CSMD3: variants seen among roughly 807,000 people sequenced by gnomAD.
The protein encoded by CSMD3 is CUB and Sushi multiple domains 3, also known as CUB and sushi domain-containing protein 3.
CSMD3 carries 177 observed loss-of-function variants against 435.2 expected under a neutral mutation model. That is an observed-to-expected ratio of 0.41 (90% CI 0.36 to 0.46). The LOEUF is 0.46. Among genes scored for constraint, CSMD3 ranks in the 20% least tolerant of loss-of-function variants. CSMD3 has a pLI of 0.34. For missense variants in CSMD3, 4,265 were observed against 4,504.6 expected, an observed-to-expected ratio of 0.95 and a Z score of 1.52; for synonymous variants, 1,656 against 1,520.5, an observed-to-expected ratio of 1.09 and a Z score of -2.07.
Position 112,244,547 on chromosome 8 carries a change from G to T in CSMD3, c.10249C>A (p.Pro3417Thr), listed in dbSNP as rs919848950. 1.2e-6 allele frequency: 2 copies of T among 1,613,740 alleles called. No homozygotes were observed. The highest frequency in any genetic ancestry group is 2.7e-5 in the African/African-American group (2 of 74,890). Reference protein sequence around the residue: ...IPHSCKQPETPAHANVVGMDL... With the variant: ...IPHSCKQPETTAHANVVGMDL... Reference sequence around the variant, plus strand: ...ATCCCTACGACATTTGCATGAGCAGGAGTTTCTGGCTGTTTACAGCTGTGG... The same window carrying T: ...ATCCCTACGACATTTGCATGAGCAGTAGTTTCTGGCTGTTTACAGCTGTGG... The change falls in exon 65 of 71, where the codon CCT (proline) becomes ACT (threonine). Residue 3417 changes from proline (P) to threonine (T), a missense_variant. Pro to Thr is a conservative substitution (Grantham distance 38, BLOSUM62 -1). Around this residue, in one of 3 missense-constraint regions of CSMD3, gnomAD observed 3,255 missense variants for 3,380.2 expected, o/e 0.96. Transcript: ENST00000297405.
At chr8:112,493,638 A>AT (rs1417437030) in intron 30 of CSMD3, among the ~76,000 whole-genome samples, 7 of 152,184 alleles carry the variant, frequency 4.6e-5, no homozygotes, top group Non-Finnish European at 8.8e-5. Flanking sequence ...AGATTAAAAA[A>AT]TAAAATCCTT....
chr8:113,122,471 T>C (rs1194635601), intron 4 of CSMD3, among the ~76,000 whole-genome samples: 1 of 152,118 alleles, frequency 6.6e-6, no homozygotes, highest in Non-Finnish European at 1.5e-5. Flanking sequence ...TTAAGTTTGC[T>C]AATCAGTTGA....
At chr8:112,559,304 T>C (rs1435759114) in intron 24 of CSMD3, among the ~76,000 whole-genome samples, 1 of 151,858 alleles carries the variant, frequency 6.6e-6, no homozygotes, top group Non-Finnish European at 1.5e-5. Flanking sequence ...CTTAAATAGA[T>C]ATATTTACAT....
chr8:113,297,012 C>T (rs2093727756), intron 2 of CSMD3, among the ~76,000 whole-genome samples: 1 of 152,086 alleles, frequency 6.6e-6, no homozygotes, highest in Admixed American at 6.6e-5. Context: ...AAGTTAAACA[C>T]AACATTATTT....
intron 41 of CSMD3, among the ~76,000 whole-genome samples, chr8:112,344,864 A>T (rs956409342): frequency 6.6e-6 from 1 of 152,154 alleles, no homozygotes; most frequent in Non-Finnish European, 1.5e-5. Context: ...AATTCATACT[A>T]CTTTTTAAAA....
intron 13 of CSMD3, among the ~76,000 whole-genome samples, chr8:112,730,706 T>A (rs2077056274): frequency 1.3e-5 from 2 of 152,124 alleles, no homozygotes; most frequent in Admixed American, 1.3e-4. Flanking sequence ...CCTGACTGTG[T>A]ACCTGCTTAA....
intron 10 of CSMD3, among the ~76,000 whole-genome samples, chr8:112,895,666 T>G (rs1465243297): frequency 6.6e-6 from 1 of 151,312 alleles, no homozygotes; most frequent in Non-Finnish European, 1.5e-5. Flanking sequence ...AAAAGATTTT[T>G]CCCGAAATAT....
chr8:113,119,893 A>T (rs1005567042), intron 4 of CSMD3, among the ~76,000 whole-genome samples: 2 of 152,068 alleles, frequency 1.3e-5, no homozygotes, highest in Non-Finnish European at 2.9e-5. Flanking sequence ...TAACATTTCT[A>T]TTGCATTTTT....
At chr8:112,408,841 T>C (rs918964499) in intron 33 of CSMD3, 78 bp downstream of exon 33, 1 of 1,608,280 alleles carries the variant, frequency 6.2e-7, no homozygotes, top group African/African-American at 1.3e-5. Context: ...ATGATATAAA[T>C]CTCAACTTTC....
chr8:112,923,448 T>C lies in CSMD3; in HGVS notation c.1509-1697A>G, dbSNP rs969380294. On this transcript the variant is annotated intron_variant, in intron 9 of 70. Transcript: ENST00000297405. Reference sequence around the variant, plus strand: ...TCTTTAGATTTATCGACTTCCTTGCTCTGGCTTGAAGATATTAAGCATGTG... The same window carrying C: ...TCTTTAGATTTATCGACTTCCTTGCCCTGGCTTGAAGATATTAAGCATGTG... 2.1e-4 allele frequency among the ~76,000 whole-genome samples: 32 copies of C among 152,266 alleles called. 1 individual carries two copies. Among genetic ancestry groups the C allele is most frequent in the Admixed American group, 1.6e-3 (25 of 15,254 alleles).
chr8:112,963,000 C>T (rs923725265), intron 7 of CSMD3, among the ~76,000 whole-genome samples: 2 of 151,956 alleles, frequency 1.3e-5, no homozygotes, highest in African/African-American at 4.8e-5. Context: ...TTCTTCCTAA[C>T]ATTTAAGCTT....
At chr8:112,416,650 A>C (rs1811943443) in intron 32 of CSMD3, among the ~76,000 whole-genome samples, 1 of 152,240 alleles carries the variant, frequency 6.6e-6, no homozygotes. Context: ...TAATGAAACA[A>C]ATATGGACAT....
At chr8:112,531,386 T>C (rs1825521273) in intron 27 of CSMD3, among the ~76,000 whole-genome samples, 1 of 152,138 alleles carries the variant, frequency 6.6e-6, no homozygotes, top group African/African-American at 2.4e-5. Context: ...GCCATGATTA[T>C]GGGCATTGGG....
intron 22 of CSMD3, among the ~76,000 whole-genome samples, chr8:112,601,631 G>T (rs1832358789): frequency 6.6e-6 from 1 of 152,164 alleles, no homozygotes; most frequent in African/African-American, 2.4e-5. Context: ...CATTTTGGTT[G>T]CACTTTGAAG....
chr8:113,401,526 C>CA (rs2133204139), intron 1 of CSMD3, among the ~76,000 whole-genome samples: 1 of 151,648 alleles, frequency 6.6e-6, no homozygotes, highest in East Asian at 1.9e-4. Context: ...CACATATTGT[C>CA]ACTATGTTAA....
intron 31 of CSMD3, among the ~76,000 whole-genome samples, chr8:112,484,342 T>C (rs1483405985): frequency 6.6e-6 from 1 of 152,182 alleles, no homozygotes; most frequent in East Asian, 1.9e-4. Context: ...TACTGCATTA[T>C]AATCGTTTCA....
At chr8:112,228,515 G>A (rs991389751) in intron 70 of CSMD3, among the ~76,000 whole-genome samples, 1 of 152,168 alleles carries the variant, frequency 6.6e-6, no homozygotes, top group Non-Finnish European at 1.5e-5. Flanking sequence ...AAATTGACAG[G>A]CAAAAGAAAG....
rs200328572 is a variant in CSMD3 at position 112,410,616 on chromosome 8, G to GTATATATATATGTGTA, written c.5396-1585_5396-1584insTACACATATATATATA. ...TATATATATATGTGTATATATATAT[G>GTATATATATATGTGTA]TATATATATGTGTATATATATGTAT... On this transcript the variant is annotated intron_variant, in intron 32 of 70. Transcript: ENST00000297405. Among the ~76,000 whole-genome samples, 295 of 67,584 alleles carry GTATATATATATGTGTA rather than the reference G, an allele frequency of 4.4e-3. 38 individuals are homozygous for GTATATATATATGTGTA. The highest frequency in any genetic ancestry group is 6.2e-3 in the Non-Finnish European group (203 of 32,902). 44.3% of individuals were successfully genotyped at this position (67,584 alleles called of 152,430 possible).
rs752523266 is a variant in CSMD3 at position 112,289,402 on chromosome 8, C to G, written c.9111G>C (p.Leu3037Phe). 1.2e-6 allele frequency: 2 copies of G among 1,613,380 alleles called. No homozygotes were observed. The highest frequency in any genetic ancestry group is 2.2e-5 in the South Asian group (2 of 91,066). Residue 3037 changes from leucine (L) to phenylalanine (F), a missense_variant, in exon 57 of 71, where the codon TTG (leucine) becomes TTC (phenylalanine). Leu to Phe is a conservative substitution (Grantham distance 22). Around this residue, in one of 3 missense-constraint regions of CSMD3, gnomAD observed 3,255 missense variants for 3,380.2 expected, o/e 0.96. Transcript: ENST00000297405. ...GTTGTGATCCACTCCAATGGCCATT[C>G]AATTGGCAGGTTCTTGATGACTGGC... The part of the protein sequence containing the change: ...LLGQSSRTCQ[L>F]NGHWSGSQPH...
Sources: gnomAD v4.1 joint callset for allele counts (sites outside exome capture counted in the v4.1 genomes callset) on GRCh38, gnomAD v4.1.1 for gene constraint, gnomAD v4.1.1 regional missense constraint, MANE v1.5 for transcripts, NCBI Gene and HGNC (gene_info 2026-07-23, HGNC 2026-07-21) for gene names.